DOCK10: variants seen among roughly 807,000 people sequenced by gnomAD.
DOCK10 encodes dedicator of cytokinesis 10, also known as dedicator of cytokinesis protein 10.
In DOCK10, 145 loss-of-function variants were observed where a neutral mutation model predicts 280.1. The ratio of observed to expected loss-of-function variants is 0.52; its 90% CI spans 0.45 to 0.59. The LOEUF is 0.59. Among genes scored for constraint, DOCK10 ranks in the 20% least tolerant of loss-of-function variants. The probability of loss-of-function intolerance (pLI) is 0.00; values close to 1 mark genes in which losing one functional copy is unlikely to be tolerated. For missense variants in DOCK10, 2,368 were observed against 2,651.7 expected (o/e 0.89, Z 2.35); for synonymous variants, 915 against 942.2 (o/e 0.97, Z 0.53).
At chr2:224,785,823 T>C (rs919816493) in intron 50 of DOCK10, among the ~76,000 whole-genome samples, 3 of 152,216 alleles carry the variant, frequency 2.0e-5, no homozygotes, top group African/African-American at 7.2e-5. Flanking sequence ...GAGGAAAATA[T>C]GTATTTTTCA....
chr2:224,941,508 C>A (rs2126075344), intron 1 of DOCK10, among the ~76,000 whole-genome samples: 1 of 152,184 alleles, frequency 6.6e-6, no homozygotes, highest in East Asian at 1.9e-4. Flanking sequence ...TCACCAGGCA[C>A]CTCAGGGGAA....
intron 1 of DOCK10, among the ~76,000 whole-genome samples, chr2:224,937,174 A>G (rs1702737943): frequency 6.6e-6 from 1 of 152,170 alleles, no homozygotes; most frequent in South Asian, 2.1e-4. Flanking sequence ...TGTATTGGTC[A>G]TTGTCACAAA....
At chr2:224,775,539 G>A (rs1160983389) in intron 51 of DOCK10, among the ~76,000 whole-genome samples, 1 of 151,980 alleles carries the variant, frequency 6.6e-6, no homozygotes, top group Non-Finnish European at 1.5e-5. Flanking sequence ...GCAGTGGCAC[G>A]ATCTCGGCTC....
At chr2:225,031,128 G>A (rs888182578) in intron 1 of DOCK10, among the ~76,000 whole-genome samples, 3 of 152,172 alleles carry the variant, frequency 2.0e-5, no homozygotes, top group African/African-American at 7.2e-5. Flanking sequence ...AAGTGTAAGG[G>A]CAAAACCACA....
intron 11 of DOCK10, among the ~76,000 whole-genome samples, chr2:224,868,152 C>G (rs951892209): frequency 2.6e-5 from 4 of 151,838 alleles, no homozygotes; most frequent in African/African-American, 9.7e-5. Flanking sequence ...GGGAAAACAA[C>G]TTATAAAATG....
In DOCK10 at chr2:224,846,889, C is replaced by T. The variant is rs188653704; in HGVS notation, c.2236-1247G>A. Among the ~76,000 whole-genome samples the T allele has an allele frequency of 2.8e-3, 432 of 152,272 alleles. 8 individuals carry two copies. Among genetic ancestry groups the T allele is most frequent in the African/African-American group, 1.0e-2 (414 of 41,566 alleles). On this transcript the variant is annotated intron_variant, in intron 19 of 55. Transcript: ENST00000258390. ...CCTAGGCTGGAGTCTCAGACATTAA[C>T]CTAGACACACTCAATTGCAATCTGC... is the stretch of plus-strand genomic sequence containing the variant.
intron 2 of DOCK10, among the ~76,000 whole-genome samples, chr2:224,928,379 G>A (rs572633861): frequency 1.3e-5 from 2 of 152,114 alleles, no homozygotes; most frequent in African/African-American, 2.4e-5. Context: ...AATGGTGTCC[G>A]TGTTCAATAA....
At chr2:224,945,010 G>T (rs1302211445) in intron 1 of DOCK10, among the ~76,000 whole-genome samples, 1 of 152,194 alleles carries the variant, frequency 6.6e-6, no homozygotes, top group African/African-American at 2.4e-5. Context: ...AATTCATAGA[G>T]TGATTAGCTT....
intron 1 of DOCK10, among the ~76,000 whole-genome samples, chr2:224,948,183 C>T (rs1703534459): frequency 6.6e-6 from 1 of 152,194 alleles, no homozygotes; most frequent in African/African-American, 2.4e-5. Flanking sequence ...CTGAGCCATT[C>T]ACCTGTCTCT....
chr2:224,999,712 G>GTTTTTT lies in DOCK10; in HGVS notation c.123+42534_123+42539dup, dbSNP rs35668501. On this transcript the variant is annotated intron_variant, in intron 1 of 55. Transcript: ENST00000258390. Reference sequence around the variant, plus strand: ...AAATATCCATAAACACTATAATGGTGTTTTTTTTTTTTTTGGTAGATTCTT... The same window carrying GTTTTTT: ...AAATATCCATAAACACTATAATGGTGTTTTTTTTTTTTTTTTTTTTGGTAGATTCTT... 3.4e-3 allele frequency among the ~76,000 whole-genome samples: 492 copies of GTTTTTT among 142,700 alleles called. 6 individuals are homozygous for GTTTTTT. The highest frequency in any genetic ancestry group is 0.011 in the African/African-American group (436 of 38,312). 93.6% of individuals were successfully genotyped at this position (142,700 alleles called of 152,430 possible). A position where few individuals can be genotyped will look rare whatever the true frequency, so the allele number is the denominator to read the frequency against.
chr2:224,973,631 A>G (rs1200549266), intron 1 of DOCK10, among the ~76,000 whole-genome samples: 1 of 152,136 alleles, frequency 6.6e-6, no homozygotes, highest in Non-Finnish European at 1.5e-5. Context: ...TCTGATCTCC[A>G]GAAATGTAAT....
Position 225,001,289 on chromosome 2 carries a change from C to CTTTTTTT in DOCK10, c.123+40956_123+40962dup, listed in dbSNP as rs141808105. On this transcript the variant is annotated intron_variant, in intron 1 of 55. Transcript: ENST00000258390. ...AGCTACACAACAATATACAACAGAC[C>CTTTTTTT]TTTTTTTTTTTTTTTTTTGAGACGG... is the stretch of plus-strand genomic sequence containing the variant. Among the ~76,000 whole-genome samples, 92 of 128,236 alleles carry CTTTTTTT rather than the reference C, an allele frequency of 7.2e-4. 2 individuals carry two copies. The highest frequency in any genetic ancestry group is 2.3e-3 in the African/African-American group (69 of 30,534). The allele number at this position is 128,236 out of a possible 152,430, so 84.1% of individuals were successfully genotyped here.
chr2:224,821,257 T>C (rs931821180), intron 28 of DOCK10, among the ~76,000 whole-genome samples: 6 of 152,344 alleles, frequency 3.9e-5, no homozygotes, highest in African/African-American at 1.4e-4. Context: ...GAGCAACCCA[T>C]GGAGTTACAA....
intron 24 of DOCK10, among the ~76,000 whole-genome samples, chr2:224,838,947 C>T (rs1695767035): frequency 6.6e-6 from 1 of 152,128 alleles, no homozygotes; most frequent in African/African-American, 2.4e-5. Context: ...AATTATACAG[C>T]CACTCTGGAG....
chr2:224,909,356 T>C lies in DOCK10; in HGVS notation c.333+7339A>G, dbSNP rs553438273. ...AAGCAGATTCAGATAAAGACAATGCTCTCCAGTAGTTGTTTTCCAAGTGTT... is the reference window on the plus strand; with the variant it reads ...AAGCAGATTCAGATAAAGACAATGCCCTCCAGTAGTTGTTTTCCAAGTGTT... On this transcript the variant is annotated intron_variant, in intron 3 of 55. Coordinates refer to ENST00000258390, the MANE Select transcript of DOCK10 (RefSeq NM_014689.3). Among the ~76,000 whole-genome samples, 3 of 152,342 alleles carry C rather than the reference T, an allele frequency of 2.0e-5. No individual in the cohort carries two copies. In the South Asian group the frequency reaches 6.2e-4, roughly 32 times the overall value.
intron 1 of DOCK10, among the ~76,000 whole-genome samples, chr2:225,020,815 T>C (rs1460296973): frequency 6.6e-6 from 1 of 152,348 alleles, no homozygotes; most frequent in South Asian, 2.1e-4. Flanking sequence ...CCCAAGGATG[T>C]TGGGTTTCAC....
At chr2:224,922,343 C>T (rs1042421112) in intron 2 of DOCK10, among the ~76,000 whole-genome samples, 3 of 152,144 alleles carry the variant, frequency 2.0e-5, no homozygotes, top group Non-Finnish European at 2.9e-5. Context: ...CAGACCACTA[C>T]AAATTGTCTT....
At chr2:225,035,572 A>ATATATTATATATATATATATATAT (rs1553634954) in intron 1 of DOCK10, among the ~76,000 whole-genome samples, 4 of 69,956 alleles carry the variant, frequency 5.7e-5, no homozygotes, top group Admixed American at 3.4e-4. Context: ...ATATATATAT[A>ATATATTATATATATATATATATAT]TATATATATA....
intron 4 of DOCK10, among the ~76,000 whole-genome samples, chr2:224,887,029 C>T (rs573275266): frequency 6.6e-6 from 1 of 152,268 alleles, no homozygotes; most frequent in Admixed American, 6.5e-5. Flanking sequence ...TCCCAAAGTG[C>T]TGGAATTATA....
Sources: allele counts gnomAD v4.1 joint callset (sites outside exome capture counted in the v4.1 genomes callset), GRCh38; gene constraint gnomAD v4.1.1; transcripts MANE v1.5; gene names NCBI Gene and HGNC (gene_info 2026-07-23, HGNC 2026-07-21).